The following DOCK5 variants were observed in gnomAD, a reference collection of about 807,000 sequenced individuals.
DOCK5 encodes the protein dedicator of cytokinesis protein 5.
DOCK5 carries 142 observed loss-of-function variants against 251.8 expected under a neutral mutation model. The ratio of observed to expected loss-of-function variants is 0.56; its 90% CI spans 0.49 to 0.65. DOCK5 has a LOEUF of 0.65. Among genes scored for constraint, DOCK5 ranks in the 30% least tolerant of loss-of-function variants. The pLI is 0.00. For missense variants in DOCK5, 2,111 were observed against 2,312.3 expected (o/e 0.91, Z 1.79); for synonymous variants, 842 against 835.5 (o/e 1.01, Z -0.13).
chr8:25,249,485 G>A (rs764647310), intron 2 of DOCK5, among the ~76,000 whole-genome samples: 6 of 152,128 alleles, frequency 3.9e-5, no homozygotes, highest in Non-Finnish European at 8.8e-5. Flanking sequence ...TGTACCCATC[G>A]GTAGTCATGC....
chr8:25,367,729 A>G (rs1438617605), intron 31 of DOCK5, among the ~76,000 whole-genome samples: 1 of 152,212 alleles, frequency 6.6e-6, no homozygotes, highest in African/African-American at 2.4e-5. Context: ...TTGAGAGTGC[A>G]TGGTGTAGAG....
chr8:25,288,328 A>G (rs144267794), intron 5 of DOCK5, among the ~76,000 whole-genome samples: 479 of 152,358 alleles, frequency 3.1e-3, no homozygotes, highest in Non-Finnish European at 5.1e-3. Context: ...AACAAAGTCC[A>G]TCTCCTTGAA....
At chr8:25,357,404 GCT>G (rs1800596628) in intron 27 of DOCK5, among the ~76,000 whole-genome samples, 2 of 131,670 alleles carry the variant, frequency 1.5e-5, no homozygotes, top group Non-Finnish European at 3.1e-5. Flanking sequence ...TTTGAGACAG[GCT>G]CTGGCTCTGT....
intron 29 of DOCK5, among the ~76,000 whole-genome samples, chr8:25,363,814 C>A (rs563496371): frequency 1.8e-4 from 28 of 152,360 alleles, no homozygotes; most frequent in African/African-American, 6.5e-4. Context: ...GCAGTGCCTT[C>A]CCCATAACCT....
intron 38 of DOCK5, among the ~76,000 whole-genome samples, chr8:25,378,023 C>G (rs1800995171): frequency 6.6e-6 from 1 of 151,826 alleles, no homozygotes; most frequent in Non-Finnish European, 1.5e-5. Context: ...AGTGCCAAGA[C>G]TACAGGCATG....
At chr8:25,351,227 T>C (rs1214906868) in intron 26 of DOCK5, among the ~76,000 whole-genome samples, 1 of 151,852 alleles carries the variant, frequency 6.6e-6, no homozygotes, top group Non-Finnish European at 1.5e-5. Context: ...CCGGCTAATG[T>C]TTTGTATTTT....
chr8:25,386,742 T>C (rs1227643793), intron 40 of DOCK5, among the ~76,000 whole-genome samples: 1 of 152,148 alleles, frequency 6.6e-6, no homozygotes, highest in East Asian at 1.9e-4. Flanking sequence ...AAATCAGAAA[T>C]GTGACCACAG....
intron 45 of DOCK5, among the ~76,000 whole-genome samples, chr8:25,396,176 G>A (rs191321120): frequency 2.0e-5 from 3 of 152,156 alleles, no homozygotes; most frequent in East Asian, 1.9e-4. Flanking sequence ...GGTCAGGAGC[G>A]CGAGACCATC....
intron 13 of DOCK5, among the ~76,000 whole-genome samples, chr8:25,312,978 T>C (rs1267975893): frequency 6.6e-6 from 1 of 152,090 alleles, no homozygotes; most frequent in Non-Finnish European, 1.5e-5. Context: ...AGTGCTAGTA[T>C]GTGGATCAGC....
intron 24 of DOCK5, 56 bp from the exon 25 acceptor site, chr8:25,342,345 G>A: frequency 2.9e-6 from 4 of 1,366,806 alleles, no homozygotes; most frequent in Admixed American, 2.0e-5. Context: ...AGTTTATAAT[G>A]ATGCCTTCAA....
At position 25,340,989 on chromosome 8, in the gene DOCK5, G is replaced by T. The variant is rs1429483700; in HGVS notation, c.2439+1G>T. 6.2e-7 allele frequency: 1 copy of T among 1,609,348 alleles called. No individual in the cohort carries two copies. The highest frequency in any genetic ancestry group is 8.5e-7 in the Non-Finnish European group (1 of 1,177,462). On this transcript the variant is annotated splice_donor_variant, in intron 23 of 51. Coordinates refer to ENST00000276440, the MANE Select transcript of DOCK5 (RefSeq NM_024940.8). LOFTEE classifies it high-confidence loss of function. ...TCTGGAGGAAGCCGTCAAGATCAAG[G>T]TCAGCCTGGCAGCATCATGGGTAAC...
Position 25,323,880 on chromosome 8 carries a change from G to A in DOCK5, c.1648G>A (p.Ala550Thr), listed in dbSNP as rs1337662766. The change falls in exon 17 of 52, where the codon GCC becomes ACC. Residue 550 changes from alanine (A) to threonine (T), a missense_variant. Physicochemically the swap from Ala to Thr is moderately conservative, Grantham distance 58 (BLOSUM62 0). This residue lies in a region of DOCK5 where 1,717 missense variants were observed against 1,892.4 expected (regional missense o/e 0.91). Transcript: ENST00000276440. Reference protein sequence around the residue: ...RDKSERAFGVAFVKLMNPDGT... With the variant: ...RDKSERAFGVTFVKLMNPDGT... The stretch of plus-strand genomic sequence containing the variant: ...TAAATCGGAGCGAGCATTTGGGGTG[G>A]CCTTCGTGAAGCTGATGAACCCGGA... The A allele has an allele frequency of 3.1e-6, 5 of 1,613,546 alleles. 1 individual carries two copies. The Admixed American group carries it at 8.3e-5, about 27-fold the overall frequency.
At chr8:25,217,636 A>T (rs1802283115) in intron 1 of DOCK5, among the ~76,000 whole-genome samples, 1 of 152,146 alleles carries the variant, frequency 6.6e-6, no homozygotes, top group Non-Finnish European at 1.5e-5. Flanking sequence ...GTTGGTGGAG[A>T]ACAATGTGTC....
chr8:25,238,305 G>T (rs1802852767), intron 1 of DOCK5, among the ~76,000 whole-genome samples: 1 of 152,196 alleles, frequency 6.6e-6, no homozygotes, highest in East Asian at 1.9e-4. Context: ...TAACCCTTCT[G>T]AGTCTCAGCT....
At chr8:25,336,452 G>A (rs1805811607) in intron 22 of DOCK5, 79 bp downstream of exon 22, 2 of 1,526,482 alleles carry the variant, frequency 1.3e-6, no homozygotes, top group Non-Finnish European at 8.9e-7. Flanking sequence ...GCACAGTGGT[G>A]TTCAGCTCTG....
At chr8:25,338,253 C>T (rs971972919) in intron 22 of DOCK5, among the ~76,000 whole-genome samples, 4 of 151,894 alleles carry the variant, frequency 2.6e-5, no homozygotes, top group Admixed American at 1.3e-4. Context: ...GTTACCCAGT[C>T]TGGTCTCAAA....
At chr8:25,310,138 T>G (rs954826039) in intron 12 of DOCK5, among the ~76,000 whole-genome samples, 3 of 152,170 alleles carry the variant, frequency 2.0e-5, no homozygotes, top group African/African-American at 7.2e-5. Context: ...TGGTTGTAGC[T>G]TTACTATATA....
rs1800914153 is a variant in DOCK5 at position 25,373,635 on chromosome 8, GAAGA to G, written c.3703_3706del (p.Lys1235GlufsTer6). 1 of 1,596,250 alleles carries G rather than the reference GAAGA, an allele frequency of 6.3e-7. No homozygotes were observed. Among genetic ancestry groups the G allele is most frequent in the Admixed American group, 1.8e-5 (1 of 57,116 alleles). On this transcript the variant is annotated frameshift_variant, in exon 36 of 52. Coordinates refer to ENST00000276440, the MANE Select transcript of DOCK5 (RefSeq NM_024940.8). LOFTEE classifies it high-confidence loss of function. ...CCTGGCAGAACTTTTATAAAGAAAA[GAAGA>G]GAGAGGACATATACATAAGGTAAGC... is the stretch of plus-strand genomic sequence containing the variant.
intron 51 of DOCK5, among the ~76,000 whole-genome samples, chr8:25,410,972 T>C (rs5890235): frequency 0.052 from 998 of 19,126 alleles, 17 homozygotes; most frequent in African/African-American, 0.14. Context: ...TGTGTGTGTG[T>C]GCGCGCGCGC....
Sources: allele counts gnomAD v4.1 joint callset (sites outside exome capture counted in the v4.1 genomes callset), GRCh38; gene constraint gnomAD v4.1.1; regional missense constraint gnomAD v4.1.1; transcripts MANE v1.5; gene names NCBI Gene and HGNC (gene_info 2026-07-23, HGNC 2026-07-21).